MYZAP: variants seen among roughly 807,000 people sequenced by gnomAD.
The protein encoded by MYZAP is GRINL1A complex locus upstream.
Under a neutral mutation model 69.4 loss-of-function variants are expected in MYZAP, and 66 were observed. That is an observed-to-expected ratio of 0.95 (90% CI 0.78 to 1.17). MYZAP has a LOEUF of 1.17. MYZAP is among the 50% of genes most tolerant of loss of function. The probability of loss-of-function intolerance (pLI) is 0.00; values close to 1 mark genes in which losing one functional copy is unlikely to be tolerated. For synonymous variants in MYZAP, 256 were observed against 205.9 expected (o/e 1.24, Z -2.09); for missense variants, 611 against 556.2 (o/e 1.10, Z -0.99).
Position 57,658,422 on chromosome 15 carries a change from T to G in MYZAP, c.1120-3028T>G, listed in dbSNP as rs370590290. ...CTGCAATAACATTTTCCAAAGTGTCTTTTCTTCTGATGCTTTGTTCCAATC... is the reference window on the plus strand; with the variant it reads ...CTGCAATAACATTTTCCAAAGTGTCGTTTCTTCTGATGCTTTGTTCCAATC... On this transcript the variant is annotated intron_variant, in intron 10 of 12. Transcript: ENST00000267853. Among the ~76,000 whole-genome samples the G allele has an allele frequency of 1.4e-3, 213 of 152,352 alleles. 5 individuals carry two copies. In the South Asian group the frequency reaches 0.04, roughly 29 times the overall value.
At chr15:57,644,617 G>A (rs557199511) in intron 10 of MYZAP, among the ~76,000 whole-genome samples, 7 of 151,714 alleles carry the variant, frequency 4.6e-5, no homozygotes, top group Admixed American at 2.0e-4. Flanking sequence ...GCTAATTTTT[G>A]TATTACTGTT....
In MYZAP at chr15:57,640,876, G is replaced by A. The variant is rs74016370; in HGVS notation, c.1119+1331G>A. 5.0e-3 allele frequency among the ~76,000 whole-genome samples: 767 copies of A among 152,306 alleles called. 3 individuals carry two copies. The highest frequency in any genetic ancestry group is 0.018 in the African/African-American group (746 of 41,558). ...AATCGTTTTGTGCATCCAGGCAGGA[G>A]CACTGCCCATAACAGTAATGCGGAG... On this transcript the variant is annotated intron_variant, in intron 10 of 12. Coordinates refer to ENST00000267853, the MANE Select transcript of MYZAP (RefSeq NM_001018100.5).
chr15:57,603,008 A>C (rs1250052142), intron 1 of MYZAP, among the ~76,000 whole-genome samples: 6 of 152,174 alleles, frequency 3.9e-5, no homozygotes, highest in African/African-American at 1.4e-4. Context: ...AATATGATAA[A>C]TCACACAAAT....
intron 2 of MYZAP, among the ~76,000 whole-genome samples, chr15:57,609,489 A>AT (rs1160468859): frequency 1.3e-5 from 2 of 151,866 alleles, no homozygotes; most frequent in Non-Finnish European, 2.9e-5. Flanking sequence ...CTGTGTCCAG[A>AT]TTTTCCCCTT....
chr15:57,608,122 T>C (rs758363188), intron 2 of MYZAP, among the ~76,000 whole-genome samples: 3 of 152,220 alleles, frequency 2.0e-5, no homozygotes, highest in East Asian at 3.9e-4. Context: ...TTGACTTCTG[T>C]TGCAGTGAGA....
intron 2 of MYZAP, among the ~76,000 whole-genome samples, chr15:57,616,914 T>C (rs1228075045): frequency 6.9e-6 from 1 of 145,104 alleles, no homozygotes; most frequent in East Asian, 2.1e-4. Flanking sequence ...AGAATTACCT[T>C]TATGGAATTT....
In MYZAP at chr15:57,629,861, T is replaced by C. The variant is rs1439566093; in HGVS notation, c.678+7T>C. On this transcript the variant is annotated splice_region_variant and intron_variant, in intron 6 of 12. Transcript: ENST00000267853. The stretch of plus-strand genomic sequence containing the variant: ...CCAGCTGCTAAAAATGAAGGTGGAG[T>C]ATAAAAGCCTAGATTTATTTTCTAT... 5.6e-6 allele frequency: 9 copies of C among 1,610,860 alleles called. No individual in the cohort carries two copies. Among genetic ancestry groups the C allele is most frequent in the Non-Finnish European group, 7.6e-6 (9 of 1,179,198 alleles).
At chr15:57,677,952 C>T (rs1195233609) in intron 12 of MYZAP, among the ~76,000 whole-genome samples, 6 of 150,296 alleles carry the variant, frequency 4.0e-5, no homozygotes, top group Non-Finnish European at 7.4e-5. Context: ...ACCTGTATTG[C>T]CAGCACTTTG....
chr15:57,637,847 A>G, intron 9 of MYZAP, 73 bp downstream of exon 9: 1 of 1,440,698 alleles, frequency 6.9e-7, no homozygotes, highest in Non-Finnish European at 9.5e-7. Context: ...ACCTCATTTG[A>G]CCCTTACATT....
At chr15:57,662,563 T>C (rs112561848) in intron 11 of MYZAP, among the ~76,000 whole-genome samples, 1 of 152,200 alleles carries the variant, frequency 6.6e-6, no homozygotes, top group African/African-American at 2.4e-5. Context: ...AACTGTGCTA[T>C]GTGTGGGTGA....
At chr15:57,629,665 A>G (rs966174304) in intron 5 of MYZAP, 37 bp from the exon 6 acceptor site, 2 of 1,599,410 alleles carry the variant, frequency 1.3e-6, no homozygotes, top group Admixed American at 1.8e-5. Context: ...TTTTCACGCC[A>G]CCGGATCTGG....
chr15:57,599,722 A>G (rs2034295224), intron 1 of MYZAP: 2 of 1,287,884 alleles, frequency 1.6e-6, no homozygotes, highest in Non-Finnish European at 2.0e-6. Flanking sequence ...TGCTGCCTTG[A>G]TGTTACTCGG....
At chr15:57,671,599 T>C (rs1325342374) in intron 11 of MYZAP, among the ~76,000 whole-genome samples, 8 of 152,258 alleles carry the variant, frequency 5.3e-5, no homozygotes, top group Non-Finnish European at 1.2e-4. Context: ...CTACTTTCAA[T>C]TGGATAATTT....
In MYZAP at chr15:57,646,465, A is replaced by T. The variant is rs1329971872; in HGVS notation, c.1119+6920A>T. 20 of 1,036,062 alleles carry T rather than the reference A, an allele frequency of 1.9e-5. No homozygotes were observed. In the African/African-American group the frequency reaches 3.4e-4, roughly 18 times the overall value. 64.2% of individuals were successfully genotyped at this position (1,036,062 alleles called of 1,614,324 possible). On this transcript the variant is annotated intron_variant, in intron 10 of 12. Coordinates refer to ENST00000267853, the MANE Select transcript of MYZAP (RefSeq NM_001018100.5). ...AGTATTTTTAGGAACTTGAGTAGACATTGAAGAAGGAACTGCAATGAAAAA... is the reference window on the plus strand; with the variant it reads ...AGTATTTTTAGGAACTTGAGTAGACTTTGAAGAAGGAACTGCAATGAAAAA...
intron 1 of MYZAP, chr15:57,599,279 A>G (rs746600753): frequency 1.1e-4 from 20 of 184,658 alleles, no homozygotes; most frequent in Non-Finnish European, 1.7e-4. Context: ...TACACCTTGT[A>G]TTGGTTATTC....
At chr15:57,679,834 C>A (rs2039340427) in intron 12 of MYZAP, among the ~76,000 whole-genome samples, 2 of 152,322 alleles carry the variant, frequency 1.3e-5, no homozygotes, top group South Asian at 2.1e-4. Context: ...TCCCCACAGC[C>A]TTCTGGGCAC....
At chr15:57,648,845 A>G (rs1470661232) in intron 10 of MYZAP, among the ~76,000 whole-genome samples, 1 of 147,516 alleles carries the variant, frequency 6.8e-6, no homozygotes, top group Non-Finnish European at 1.5e-5. Context: ...TTCTCTTTTT[A>G]CCTGTCCCTG....
At position 57,661,513 on chromosome 15, in the gene MYZAP, A is replaced by T. The variant is rs1222542035; in HGVS notation, c.1183A>T (p.Ile395Leu). 2 of 1,610,246 alleles carry T rather than the reference A, an allele frequency of 1.2e-6. No individual in the cohort carries two copies. The highest frequency in any genetic ancestry group is 2.2e-5 in the East Asian group (1 of 44,794). Residue 395 changes from isoleucine to leucine, a missense_variant, in exon 11 of 13, where the codon ATA becomes TTA. By Grantham distance (5) the Ile-to-Leu change is conservative. Coordinates refer to ENST00000267853, the MANE Select transcript of MYZAP (RefSeq NM_001018100.5). Reference sequence around the variant, plus strand: ...CTTAATACTGCAGCTTTTAGAAAAGATATCTTTCTTAGAAGGAGAGGTAAG... The same window carrying T: ...CTTAATACTGCAGCTTTTAGAAAAGTTATCTTTCTTAGAAGGAGAGGTAAG... The part of the protein sequence containing the change: ...QLLILQLLEK[I>L]SFLEGENNEL...
At chr15:57,630,383 G>T (rs1247086201) in intron 6 of MYZAP, among the ~76,000 whole-genome samples, 3 of 152,174 alleles carry the variant, frequency 2.0e-5, no homozygotes, top group African/African-American at 4.8e-5. Context: ...CTGAGAAGAC[G>T]CTTGGGATGC....
Sources: gnomAD v4.1 joint callset for allele counts (sites outside exome capture counted in the v4.1 genomes callset) on GRCh38, gnomAD v4.1.1 for gene constraint, MANE v1.5 for transcripts, NCBI Gene and HGNC (gene_info 2026-07-23, HGNC 2026-07-21) for gene names.